Variants in CLIP1 observed in about 807,000 individuals in gnomAD.
CLIP1 encodes CAP-Gly domain-containing linker protein 1.
In CLIP1, 66 loss-of-function variants were observed where a neutral mutation model predicts 161.6. That is an observed-to-expected ratio of 0.41 (90% CI 0.33 to 0.50). CLIP1 has a LOEUF of 0.50. Ranked by LOEUF, CLIP1 falls within the 20% of genes least tolerant of loss-of-function variation. CLIP1 has a pLI of 0.27. For synonymous variants in CLIP1, 598 were observed against 626.2 expected (o/e 0.96, Z 0.67); for missense variants, 1,376 against 1,702.0 (o/e 0.81, Z 3.37).
chr12:122,312,136 C>G (rs1281724847), intron 19 of CLIP1, among the ~76,000 whole-genome samples: 1 of 152,142 alleles, frequency 6.6e-6, no homozygotes, highest in African/African-American at 2.4e-5. Flanking sequence ...AGGTTTAAAA[C>G]TAAAGACAAA....
At chr12:122,349,168 T>C (rs1235377065) in intron 9 of CLIP1, among the ~76,000 whole-genome samples, 3 of 152,218 alleles carry the variant, frequency 2.0e-5, no homozygotes, top group Non-Finnish European at 4.4e-5. Context: ...TCTACATAAT[T>C]GGGGTCACAG....
At chr12:122,411,098 A>G (rs975790976) in intron 1 of CLIP1, among the ~76,000 whole-genome samples, 11 of 152,190 alleles carry the variant, frequency 7.2e-5, no homozygotes, top group Non-Finnish European at 1.0e-4. Context: ...CCAACATAAA[A>G]GCAAGCATAT....
At chr12:122,373,857 ATG>A (rs1593190279) in intron 3 of CLIP1, among the ~76,000 whole-genome samples, 5 of 152,290 alleles carry the variant, frequency 3.3e-5, no homozygotes, top group South Asian at 2.1e-4. Context: ...AGACCTCACT[ATG>A]TGTGTGTTTC....
chr12:122,333,098 A>G lies in CLIP1; in HGVS notation c.2756T>C (p.Leu919Pro). The G allele has an allele frequency of 6.2e-7, 1 of 1,613,544 alleles. No individual in the cohort carries two copies. Among genetic ancestry groups the G allele is most frequent in the South Asian group, 1.1e-5 (1 of 91,040 alleles). Reference sequence around the variant, plus strand: ...TTCCAGTTTTTCCTTTGCCTTTATCAGCTGCTCTTCTCTCTCATCTTTCTC... The same window carrying G: ...TTCCAGTTTTTCCTTTGCCTTTATCGGCTGCTCTTCTCTCTCATCTTTCTC... ...FREKDEREEQ[L>P]IKAKEKLEND... Residue 919 changes from leucine to proline, a missense_variant, in exon 15 of 26, where the codon CTG becomes CCG. Coordinates refer to ENST00000620786, the MANE Select transcript of CLIP1 (RefSeq NM_001247997.2).
intron 21 of CLIP1, among the ~76,000 whole-genome samples, chr12:122,287,194 G>GA (rs1263909189): frequency 6.6e-6 from 1 of 151,882 alleles, no homozygotes; most frequent in Non-Finnish European, 1.5e-5. Context: ...ATTAAAAAAA[G>GA]AAAAAAGAAA....
chr12:122,321,514 C>T (rs994068566), intron 17 of CLIP1, among the ~76,000 whole-genome samples: 5 of 151,310 alleles, frequency 3.3e-5, no homozygotes, highest in African/African-American at 1.2e-4. Context: ...CGTGAGCCAC[C>T]ACACCTGGCT....
intron 3 of CLIP1, among the ~76,000 whole-genome samples, chr12:122,366,100 A>G (rs562221799): frequency 1.3e-5 from 2 of 152,190 alleles, no homozygotes; most frequent in South Asian, 2.1e-4. Context: ...TGAGGTTGGG[A>G]GTTTGAGAGC....
chr12:122,313,017 G>T (rs139230711), intron 19 of CLIP1, among the ~76,000 whole-genome samples: 2 of 152,208 alleles, frequency 1.3e-5, no homozygotes, highest in South Asian at 4.2e-4. Context: ...ACCGCAGAAG[G>T]CCCTGGAAAT....
rs192861178 is a variant in CLIP1 at position 122,370,906 on chromosome 12, C to T, written c.657+6483G>A. Among the ~76,000 whole-genome samples, 169 of 148,094 alleles carry T rather than the reference C, an allele frequency of 1.1e-3. No homozygotes were observed. In the Middle Eastern group the frequency reaches 0.017, roughly 15 times the overall value. On this transcript the variant is annotated intron_variant, in intron 3 of 25. Transcript: ENST00000620786. Reference sequence around the variant, plus strand: ...CTGGGAGGCAGAGGTTGCAGTGAGCCGAGATCATGCCACTGCACTCCAGCC... The same window carrying T: ...CTGGGAGGCAGAGGTTGCAGTGAGCTGAGATCATGCCACTGCACTCCAGCC...
chr12:122,289,908 A>G (rs1185625927), intron 20 of CLIP1, among the ~76,000 whole-genome samples: 3 of 151,802 alleles, frequency 2.0e-5, no homozygotes, highest in Non-Finnish European at 4.4e-5. Flanking sequence ...TCCCAGGTTC[A>G]AGTGATTCTC....
intron 10 of CLIP1, among the ~76,000 whole-genome samples, chr12:122,345,001 A>AG (rs1555268953): frequency 6.6e-6 from 1 of 151,394 alleles, no homozygotes; most frequent in Non-Finnish European, 1.5e-5. Context: ...AGGAAAAAAA[A>AG]CATCAAAATT....
At chr12:122,365,677 TAA>T (rs34314261) in intron 3 of CLIP1, 1,877 of 577,934 alleles carry the variant, frequency 3.2e-3, no homozygotes, top group South Asian at 3.6e-3. Flanking sequence ...CTGGGCTATT[TAA>T]AAAAAAAAAA....
chr12:122,324,050 A>G (rs1398046326), intron 17 of CLIP1: 1 of 152,590 alleles, frequency 6.6e-6, no homozygotes, highest in Non-Finnish European at 1.5e-5. Context: ...TACAACATTG[A>G]TTTCTTTAAG....
intron 1 of CLIP1, among the ~76,000 whole-genome samples, chr12:122,401,284 G>C (rs1203741800): frequency 6.6e-6 from 1 of 152,232 alleles, no homozygotes; most frequent in African/African-American, 2.4e-5. Context: ...AACACTTTGG[G>C]AGGCTGAGGT....
chr12:122,370,692 G>A (rs753894840), intron 3 of CLIP1, among the ~76,000 whole-genome samples: 3 of 152,034 alleles, frequency 2.0e-5, no homozygotes, highest in South Asian at 2.1e-4. Flanking sequence ...ATGAATAGAC[G>A]CTTTGGCTAA....
intron 20 of CLIP1, among the ~76,000 whole-genome samples, chr12:122,302,100 TTTATTA>T (rs908142835): frequency 2.0e-5 from 3 of 152,088 alleles, no homozygotes; most frequent in African/African-American, 2.4e-5. Flanking sequence ...ATTATTATTT[TTTATTA>T]TTATTATTAT....
In CLIP1 at chr12:122,361,479, G is replaced by A. The variant is rs185933893; in HGVS notation, c.783-298C>T. 5.9e-5 allele frequency among the ~76,000 whole-genome samples: 9 copies of A among 152,348 alleles called. No individual in the cohort carries two copies. The East Asian group carries it at 1.7e-3, about 29-fold the overall frequency. On this transcript the variant is annotated intron_variant, in intron 4 of 25. Coordinates refer to ENST00000620786, the MANE Select transcript of CLIP1 (RefSeq NM_001247997.2). ...ACAACCTGATAAATGTACAGCAGAGGAGTTTAGCAATAGAACAAGCCCATT... is the reference window on the plus strand; with the variant it reads ...ACAACCTGATAAATGTACAGCAGAGAAGTTTAGCAATAGAACAAGCCCATT...
intron 18 of CLIP1, 74 bp from the exon 19 acceptor site, chr12:122,316,929 G>GA: frequency 2.2e-6 from 2 of 895,650 alleles, no homozygotes; most frequent in Non-Finnish European, 3.4e-6. Flanking sequence ...AATTATTCAT[G>GA]AAAATGTGTA....
intron 20 of CLIP1, among the ~76,000 whole-genome samples, chr12:122,308,086 C>A (rs1282835364): frequency 6.6e-6 from 1 of 152,170 alleles, no homozygotes; most frequent in African/African-American, 2.4e-5. Flanking sequence ...CAAAAGAGAA[C>A]AGAGCTGCTA....
Sources: gnomAD v4.1 joint callset for allele counts (sites outside exome capture counted in the v4.1 genomes callset) on GRCh38, gnomAD v4.1.1 for gene constraint, MANE v1.5 for transcripts, NCBI Gene and HGNC (gene_info 2026-07-23, HGNC 2026-07-21) for gene names.